The following EYS variants were observed in gnomAD, a reference collection of about 807,000 sequenced individuals.
EYS encodes the protein protein eyes shut homolog.
EYS carries 250 observed loss-of-function variants against 282.1 expected under a neutral mutation model. That is an observed-to-expected ratio of 0.89 (90% CI 0.80 to 0.98). The LOEUF (loss-of-function observed/expected upper bound fraction) is 0.98. Among genes scored for constraint, EYS ranks in the 50% least tolerant of loss-of-function variants. The probability of loss-of-function intolerance (pLI) is 0.00; values close to 1 mark genes in which losing one functional copy is unlikely to be tolerated. For synonymous variants in EYS, 1,355 were observed against 1,282.9 expected (o/e 1.06, Z -1.20); for missense variants, 4,016 against 3,709.0 (o/e 1.08, Z -2.15).
chr6:65,002,624 A>C (rs1450561002), intron 13 of EYS, among the ~76,000 whole-genome samples: 1 of 147,668 alleles, frequency 6.8e-6, no homozygotes, highest in Non-Finnish European at 1.5e-5. Context: ...TACTGTTTCT[A>C]AATAAAAAGA....
In EYS at chr6:64,268,955, T is replaced by C. The variant is rs147424551; in HGVS notation, c.6191+38015A>G. The stretch of plus-strand genomic sequence containing the variant: ...CACTTTGCAAAAGATAATTTATATC[T>C]GAATTAACAAAACAAGAAAATGAGA... On this transcript the variant is annotated intron_variant, in intron 30 of 42. Coordinates refer to ENST00000503581, the MANE Select transcript of EYS (RefSeq NM_001142800.2). Among the ~76,000 whole-genome samples the C allele has an allele frequency of 8.6e-3, 1,314 of 152,274 alleles. 26 individuals are homozygous for C. The highest frequency in any genetic ancestry group is 0.029 in the African/African-American group (1,204 of 41,558).
intron 12 of EYS, among the ~76,000 whole-genome samples, chr6:65,074,825 C>T (rs1240558416): frequency 6.6e-6 from 1 of 151,878 alleles, no homozygotes; most frequent in East Asian, 1.9e-4. Flanking sequence ...GAAATATGAC[C>T]AACTAAACTG....
intron 33 of EYS, among the ~76,000 whole-genome samples, chr6:64,044,632 A>G (rs1770538167): frequency 6.6e-6 from 1 of 152,178 alleles, no homozygotes; most frequent in Non-Finnish European, 1.5e-5. Flanking sequence ...GACATTCCCC[A>G]CACATGTCTT....
At chr6:65,564,705 T>C (rs539307535) in intron 2 of EYS, among the ~76,000 whole-genome samples, 2 of 152,064 alleles carry the variant, frequency 1.3e-5, no homozygotes, top group East Asian at 1.9e-4. Context: ...ATTCAGGACA[T>C]AGGGATGGGC....
At chr6:63,937,345 C>CTTTTTTTTTTTTTTTTTTTT (rs778809745) in intron 35 of EYS, among the ~76,000 whole-genome samples, 2 of 54,500 alleles carry the variant, frequency 3.7e-5, no homozygotes, top group Non-Finnish European at 3.5e-5. Flanking sequence ...TCTCTCTTTT[C>CTTTTTTTTTTTTTTTTTTTT]TTTTTTTTTT....
At position 64,591,606 on chromosome 6, in the gene EYS, C is replaced by A. The variant is rs545171658; in HGVS notation, c.4261G>T (p.Ala1421Ser). The A allele has an allele frequency of 1.0e-5, 16 of 1,551,138 alleles. No homozygotes were observed. In the South Asian group the frequency reaches 1.9e-4, roughly 18 times the overall value. Residue 1421 changes from alanine (A) to serine (S), a missense_variant, in exon 26 of 43, where the codon GCT becomes TCT. Ala to Ser is a moderately conservative substitution (Grantham distance 99). Transcript: ENST00000503581. ...CTAATTACTGAAGTCGTTGGGGTAG[C>A]AGATAAAGCAACAGTCTGACAGTTC... is the stretch of plus-strand genomic sequence containing the variant. Reference protein sequence around the residue: ...FENCQTVALSATPTTSVIRSI... With the variant: ...FENCQTVALSSTPTTSVIRSI...
intron 22 of EYS, among the ~76,000 whole-genome samples, chr6:64,658,838 A>T (rs1430020709): frequency 6.6e-6 from 1 of 152,210 alleles, no homozygotes; most frequent in African/African-American, 2.4e-5. Context: ...ACGAGACAGA[A>T]AGGTAACAAG....
intron 30 of EYS, among the ~76,000 whole-genome samples, chr6:64,276,959 G>A (rs566768830): frequency 9.4e-4 from 143 of 152,192 alleles, no homozygotes; most frequent in Non-Finnish European, 1.9e-3. Context: ...TAGTGCTCAT[G>A]AAAATATATG....
chr6:65,065,547 T>A (rs1773720308), intron 12 of EYS, among the ~76,000 whole-genome samples: 1 of 143,082 alleles, frequency 7.0e-6, no homozygotes, highest in Non-Finnish European at 1.6e-5. Flanking sequence ...CACGCCTGGC[T>A]ATTTTTTTTT....
intron 5 of EYS, among the ~76,000 whole-genome samples, chr6:65,476,983 A>C (rs1239203486): frequency 1.3e-5 from 2 of 152,208 alleles, no homozygotes; most frequent in Non-Finnish European, 2.9e-5. Context: ...CATGCTAATC[A>C]AATCAACATT....
chr6:65,574,993 A>C (rs1008523089), intron 2 of EYS, among the ~76,000 whole-genome samples: 3 of 152,100 alleles, frequency 2.0e-5, no homozygotes, highest in Non-Finnish European at 4.4e-5. Flanking sequence ...CTATTTGAAA[A>C]TTAAACAGCA....
intron 18 of EYS, among the ~76,000 whole-genome samples, chr6:64,898,513 G>T (rs1254837597): frequency 6.6e-6 from 1 of 151,948 alleles, no homozygotes; most frequent in African/African-American, 2.4e-5. Flanking sequence ...AAAATGTAAA[G>T]ACCATTGACA....
At chr6:65,141,010 A>G (rs1308598943) in intron 12 of EYS, among the ~76,000 whole-genome samples, 3 of 151,918 alleles carry the variant, frequency 2.0e-5, no homozygotes, top group African/African-American at 4.8e-5. Context: ...CCAAAGGACT[A>G]TAAATCATGC....
At chr6:64,696,150 G>A (rs555648587) in intron 22 of EYS, among the ~76,000 whole-genome samples, 9 of 152,186 alleles carry the variant, frequency 5.9e-5, no homozygotes, top group African/African-American at 1.7e-4. Context: ...ATGTACCAAA[G>A]AGATAGATAT....
intron 26 of EYS, among the ~76,000 whole-genome samples, chr6:64,487,668 C>T (rs1776617262): frequency 6.6e-6 from 1 of 150,850 alleles, no homozygotes; most frequent in South Asian, 2.1e-4. Context: ...AATAATTTCA[C>T]AGTTTTATAA....
rs941983639 is a variant in EYS at position 65,219,900 on chromosome 6, A to G, written c.2023+75963T>C. ...GAGGCTTATTCACTACCATGAGAAC[A>G]GTATGGGGAAAACTGCCCCCATGAT... On this transcript the variant is annotated intron_variant, in intron 12 of 42. Coordinates refer to ENST00000503581, the MANE Select transcript of EYS (RefSeq NM_001142800.2). 2.6e-5 allele frequency among the ~76,000 whole-genome samples: 4 copies of G among 152,164 alleles called. No homozygotes were observed. The East Asian group carries it at 5.8e-4, about 22-fold the overall frequency.
At chr6:64,078,595 T>C (rs560068314) in intron 32 of EYS, among the ~76,000 whole-genome samples, 16 of 152,146 alleles carry the variant, frequency 1.1e-4, no homozygotes, top group African/African-American at 3.9e-4. Flanking sequence ...AACAAAAATA[T>C]TTTCTCCCTT....
At chr6:65,070,571 G>A (rs1773874392) in intron 12 of EYS, among the ~76,000 whole-genome samples, 1 of 151,552 alleles carries the variant, frequency 6.6e-6, no homozygotes, top group South Asian at 2.1e-4. Context: ...CATGGCTAGG[G>A]ATTTTAATGC....
intron 30 of EYS, among the ~76,000 whole-genome samples, chr6:64,304,790 A>G (rs1769375182): frequency 1.3e-5 from 2 of 152,254 alleles, no homozygotes. Context: ...CAAGAAATAA[A>G]TTATAATGGA....
Sources: allele counts gnomAD v4.1 joint callset (sites outside exome capture counted in the v4.1 genomes callset), GRCh38; gene constraint gnomAD v4.1.1; transcripts MANE v1.5; gene names NCBI Gene and HGNC (gene_info 2026-07-23, HGNC 2026-07-21).